CCSER1: variants seen among roughly 807,000 people sequenced by gnomAD.
CCSER1 encodes coiled-coil serine rich protein 1, also known as serine-rich coiled-coil domain-containing protein 1.
CCSER1 carries 41 observed loss-of-function variants against 82.0 expected under a neutral mutation model. That is an observed-to-expected ratio of 0.50 (90% CI 0.39 to 0.65). The LOEUF (loss-of-function observed/expected upper bound fraction) is 0.65, where lower values mean the gene tolerates loss of function less well. Ranked by LOEUF, CCSER1 falls within the 30% of genes least tolerant of loss-of-function variation. CCSER1 has a pLI of 0.00. For missense variants in CCSER1, 1,119 were observed against 1,064.2 expected (o/e 1.05, Z -0.72); for synonymous variants, 414 against 383.9 (o/e 1.08, Z -0.92).
intron 6 of CCSER1, among the ~76,000 whole-genome samples, chr4:90,715,991 A>G (rs1262638573): frequency 6.6e-6 from 1 of 151,780 alleles, no homozygotes; most frequent in Admixed American, 6.6e-5. Flanking sequence ...ATTGATATAC[A>G]GTCATAACAA....
chr4:91,260,023 C>T (rs1740985133), intron 10 of CCSER1, among the ~76,000 whole-genome samples: 2 of 152,164 alleles, frequency 1.3e-5, no homozygotes, highest in Non-Finnish European at 2.9e-5. Flanking sequence ...TATGTTTATA[C>T]TTTCCTGTTA....
intron 10 of CCSER1, among the ~76,000 whole-genome samples, chr4:91,414,185 T>G (rs1376305215): frequency 6.6e-6 from 1 of 151,812 alleles, no homozygotes; most frequent in Non-Finnish European, 1.5e-5. Context: ...ACTTTTAACT[T>G]TAACAGAAAT....
intron 10 of CCSER1, among the ~76,000 whole-genome samples, chr4:91,202,704 A>T (rs751243556): frequency 5.7e-4 from 17 of 30,054 alleles, no homozygotes; most frequent in Non-Finnish European, 8.0e-4. Flanking sequence ...AATCAAAGAA[A>T]TTGAGAGTAT....
chr4:90,932,626 G>A (rs1023139210), intron 9 of CCSER1, among the ~76,000 whole-genome samples: 3 of 151,674 alleles, frequency 2.0e-5, no homozygotes, highest in Non-Finnish European at 2.9e-5. Context: ...TCAGGAGTTC[G>A]AGACCAGCCT....
chr4:90,863,339 G>A (rs1228424931), intron 8 of CCSER1, among the ~76,000 whole-genome samples: 1 of 151,854 alleles, frequency 6.6e-6, no homozygotes, highest in African/African-American at 2.4e-5. Flanking sequence ...ATATAGAGTA[G>A]TGAGTTCCTG....
intron 9 of CCSER1, among the ~76,000 whole-genome samples, chr4:90,974,974 A>C (rs774207319): frequency 4.0e-5 from 6 of 151,408 alleles, no homozygotes; most frequent in Non-Finnish European, 7.4e-5. Context: ...ATATACATGA[A>C]CTGATGAATC....
At chr4:91,191,657 C>T (rs1036837118) in intron 10 of CCSER1, among the ~76,000 whole-genome samples, 6 of 152,146 alleles carry the variant, frequency 3.9e-5, no homozygotes, top group African/African-American at 1.4e-4. Flanking sequence ...TCCACAGTTT[C>T]AGGGAAATTC....
chr4:91,580,193 G>A (rs1366715773), intron 10 of CCSER1, among the ~76,000 whole-genome samples: 1 of 151,796 alleles, frequency 6.6e-6, no homozygotes, highest in Non-Finnish European at 1.5e-5. Flanking sequence ...TGACATAGTT[G>A]TACTTTATTA....
intron 7 of CCSER1, among the ~76,000 whole-genome samples, chr4:90,807,412 CT>C (rs1348580571): frequency 1.3e-5 from 2 of 152,100 alleles, no homozygotes; most frequent in Admixed American, 6.5e-5. Flanking sequence ...TAATAAGCAT[CT>C]TCCTTGTAGT....
At chr4:90,543,853 G>C (rs113486020) in intron 5 of CCSER1, among the ~76,000 whole-genome samples, 2 of 152,192 alleles carry the variant, frequency 1.3e-5, no homozygotes, top group African/African-American at 4.8e-5. Flanking sequence ...TGAATAATTG[G>C]TCAGATATAG....
chr4:90,653,338 C>A (rs1729126854), intron 6 of CCSER1, among the ~76,000 whole-genome samples: 1 of 151,874 alleles, frequency 6.6e-6, no homozygotes, highest in Non-Finnish European at 1.5e-5. Context: ...TCATGTGTTA[C>A]CTAAGAAAGA....
intron 5 of CCSER1, among the ~76,000 whole-genome samples, chr4:90,613,228 G>C (rs968354984): frequency 3.3e-5 from 5 of 152,138 alleles, no homozygotes; most frequent in Admixed American, 6.6e-5. Flanking sequence ...GAGGCACACA[G>C]AAATGAAAAG....
chr4:90,717,724 GTT>G (rs1430868098), intron 6 of CCSER1, among the ~76,000 whole-genome samples: 2 of 116,624 alleles, frequency 1.7e-5, no homozygotes, highest in African/African-American at 7.4e-5. Context: ...ATGTATGTGT[GTT>G]TATATATATA....
intron 10 of CCSER1, among the ~76,000 whole-genome samples, chr4:91,397,823 G>A (rs2149356481): frequency 6.6e-6 from 1 of 152,116 alleles, no homozygotes; most frequent in Admixed American, 6.6e-5. Context: ...GAAAGCAAAT[G>A]TGATGGTGTG....
chr4:91,039,089 C>A (rs1531406), intron 9 of CCSER1, among the ~76,000 whole-genome samples: 59,625 of 151,990 alleles, frequency 0.39, 12,443 homozygotes, highest in East Asian at 0.64. Flanking sequence ...AGTGCAGTGG[C>A]ACAATCATAG....
intron 1 of CCSER1, among the ~76,000 whole-genome samples, chr4:90,280,388 C>T (rs1728642858): frequency 6.6e-6 from 1 of 151,726 alleles, no homozygotes; most frequent in Admixed American, 6.6e-5. Context: ...TCCCTCCTTC[C>T]ATCTCCTGTT....
chr4:90,168,302 G>A (rs1252260744), intron 1 of CCSER1, among the ~76,000 whole-genome samples: 21 of 152,066 alleles, frequency 1.4e-4, no homozygotes, highest in Middle Eastern at 3.4e-3. Context: ...CATATCCTTT[G>A]CCCACTTTTT....
At chr4:90,640,622 A>G (rs1032513342) in intron 6 of CCSER1, among the ~76,000 whole-genome samples, 1 of 152,090 alleles carries the variant, frequency 6.6e-6, no homozygotes, top group Admixed American at 6.6e-5. Context: ...TATCCCCATA[A>G]TCCCCAGATG....
At chr4:90,180,512 C>T (rs1028483287) in intron 1 of CCSER1, among the ~76,000 whole-genome samples, 1 of 151,928 alleles carries the variant, frequency 6.6e-6, no homozygotes, top group Non-Finnish European at 1.5e-5. Flanking sequence ...TCGCTTGAAC[C>T]TGGGAAGCAG....
Sources: allele counts gnomAD v4.1 joint callset (sites outside exome capture counted in the v4.1 genomes callset), GRCh38; gene constraint gnomAD v4.1.1; transcripts MANE v1.5; gene names NCBI Gene and HGNC (gene_info 2026-07-23, HGNC 2026-07-21).